LRRC37A2: variants seen among roughly 807,000 people sequenced by gnomAD.
LRRC37A2 encodes the protein leucine rich repeat containing 37 member A2.
Under a neutral mutation model 68.8 loss-of-function variants are expected in LRRC37A2, and 9 were observed. The observed-to-expected ratio is 0.13, with a 90% CI of 0.08 to 0.23. LRRC37A2 has a LOEUF of 0.23. Among genes scored for constraint, LRRC37A2 ranks in the 10% least tolerant of loss-of-function variants. LRRC37A2 has a pLI of 1.00. For missense variants in LRRC37A2, 168 were observed against 950.4 expected, an observed-to-expected ratio of 0.18 and a Z score of 10.82; for synonymous variants, 63 against 367.6, an observed-to-expected ratio of 0.17 and a Z score of 9.48.
the LRRC37A2 span, among the ~76,000 whole-genome samples, chr17:47,004,774 C>T: frequency 2.2e-4 from 33 of 152,340 alleles, no homozygotes; most frequent in African/African-American, 7.9e-4. Flanking sequence ...AAGGAATCCT[C>T]TCGCCTCAAC....
chr17:46,876,014 C>T, the LRRC37A2 span, among the ~76,000 whole-genome samples: 4 of 151,592 alleles, frequency 2.6e-5, no homozygotes, highest in African/African-American at 4.9e-5. Flanking sequence ...TGGTGTGAAC[C>T]GGGGCTGCTG....
At chr17:46,860,314 A>G in the LRRC37A2 span, among the ~76,000 whole-genome samples, 1 of 152,022 alleles carries the variant, frequency 6.6e-6, no homozygotes, top group Non-Finnish European at 1.5e-5. Context: ...TGCCTTTGGG[A>G]TTATGTGCTC....
At chr17:47,029,187 A>G in the LRRC37A2 span, among the ~76,000 whole-genome samples, 1 of 151,810 alleles carries the variant, frequency 6.6e-6, no homozygotes, top group Admixed American at 6.6e-5. Flanking sequence ...CTGTGACCTC[A>G]GGTGATCCAC....
At chr17:46,657,393 G>T in the LRRC37A2 span, among the ~76,000 whole-genome samples, 1 of 152,242 alleles carries the variant, frequency 6.6e-6, no homozygotes, top group Non-Finnish European at 1.5e-5. Flanking sequence ...AATAGACAAG[G>T]TTTCAAGAGA....
At chr17:46,534,737 G>A (rs1234283633) in intron 6 of LRRC37A2, among the ~76,000 whole-genome samples, 2 of 150,028 alleles carry the variant, frequency 1.3e-5, no homozygotes, top group South Asian at 2.1e-4. Flanking sequence ...GGTGGCGGCC[G>A]GGCAGAGGGG....
the LRRC37A2 span, chr17:47,027,530 G>A: frequency 1.9e-6 from 2 of 1,062,214 alleles, no homozygotes; most frequent in Non-Finnish European, 2.9e-6. Context: ...ACTAATCAAG[G>A]CAATATTTTC....
chr17:46,934,818 G>C, the LRRC37A2 span, among the ~76,000 whole-genome samples: 1 of 152,194 alleles, frequency 6.6e-6, no homozygotes, highest in Non-Finnish European at 1.5e-5. Context: ...AACTCATTTG[G>C]AGAGTGACAG....
the LRRC37A2 span, among the ~76,000 whole-genome samples, chr17:46,839,758 C>G: frequency 3.9e-5 from 6 of 152,174 alleles, no homozygotes; most frequent in African/African-American, 1.4e-4. Flanking sequence ...TCAGTTCCCA[C>G]CTATGAGAAC....
chr17:46,501,651 C>A, the LRRC37A2 span, among the ~76,000 whole-genome samples: 1 of 151,192 alleles, frequency 6.6e-6, no homozygotes. Flanking sequence ...TGTAGAAATC[C>A]TATTCCATGT....
chr17:46,822,537 G>C, the LRRC37A2 span, among the ~76,000 whole-genome samples: 1 of 152,244 alleles, frequency 6.6e-6, no homozygotes, highest in Non-Finnish European at 1.5e-5. Flanking sequence ...CAAGGCGGGA[G>C]GTCAGCAGGC....
chr17:46,595,560 G>T, the LRRC37A2 span, among the ~76,000 whole-genome samples: 1 of 127,734 alleles, frequency 7.8e-6, no homozygotes, highest in South Asian at 2.4e-4. Context: ...GTGTTATCTT[G>T]GCCTCACTGC....
the LRRC37A2 span, chr17:46,886,656 G>A: frequency 1.3e-5 from 2 of 152,202 alleles, no homozygotes; most frequent in African/African-American, 4.8e-5. Context: ...TTGCTGGTTG[G>A]AGTTCTTTGA....
the LRRC37A2 span, among the ~76,000 whole-genome samples, chr17:46,767,414 T>C: frequency 6.6e-6 from 1 of 152,114 alleles, no homozygotes; most frequent in South Asian, 2.1e-4. Flanking sequence ...CTGAGGTTGG[T>C]ACGATTTATG....
chr17:46,854,975 C>A, the LRRC37A2 span, among the ~76,000 whole-genome samples: 1 of 152,322 alleles, frequency 6.6e-6, no homozygotes, highest in South Asian at 2.1e-4. Context: ...CTTTCTCATA[C>A]AGCCATCTCT....
At chr17:46,906,999 T>C in the LRRC37A2 span, among the ~76,000 whole-genome samples, 3 of 152,078 alleles carry the variant, frequency 2.0e-5, no homozygotes, top group South Asian at 2.1e-4. Flanking sequence ...GTCAGACTAG[T>C]ATAAGTTGTA....
At chr17:47,003,048 C>T in the LRRC37A2 span, among the ~76,000 whole-genome samples, 35 of 152,012 alleles carry the variant, frequency 2.3e-4, no homozygotes, top group African/African-American at 7.5e-4. Context: ...TCGAGACCAG[C>T]CTGGGCAACA....
At chr17:46,684,680 G>C in the LRRC37A2 span, among the ~76,000 whole-genome samples, 174 of 150,598 alleles carry the variant, frequency 1.2e-3, 2 homozygotes, top group Non-Finnish European at 3.0e-4. Flanking sequence ...AAATGGTGTT[G>C]GGAAAACTGG....
At chr17:46,598,062 G>GT in the LRRC37A2 span, among the ~76,000 whole-genome samples, 1 of 44,842 alleles carries the variant, frequency 2.2e-5, no homozygotes. Context: ...GCCTACCAAA[G>GT]TGCTGGGATT....
At chr17:46,817,564 A>G in the LRRC37A2 span, among the ~76,000 whole-genome samples, 10 of 152,136 alleles carry the variant, frequency 6.6e-5, no homozygotes, top group African/African-American at 2.2e-4. Flanking sequence ...TCGGAAAACA[A>G]GGGGACTCCT....
Sources: gnomAD v4.1 joint callset for allele counts (sites outside exome capture counted in the v4.1 genomes callset) on GRCh38, gnomAD v4.1.1 for gene constraint, MANE v1.5 for transcripts, NCBI Gene and HGNC (gene_info 2026-07-23, HGNC 2026-07-21) for gene names.